Variants in AFDN observed in about 807,000 individuals in gnomAD.
AFDN encodes afadin.
A neutral mutation model predicts 216.6 loss-of-function variants in AFDN; 68 were observed. That is an observed-to-expected ratio of 0.31 (90% CI 0.26 to 0.38). The LOEUF is 0.38. AFDN is among the 10% of genes least tolerant of loss of function. The pLI is 1.00. For missense variants in AFDN, 2,136 were observed against 2,342.0 expected (o/e 0.91, Z 1.82); for synonymous variants, 868 against 853.7 (o/e 1.02, Z -0.29).
At chr6:167,929,648 C>T (rs1381650085) in intron 23 of AFDN, among the ~76,000 whole-genome samples, 1 of 152,224 alleles carries the variant, frequency 6.6e-6, no homozygotes, top group African/African-American at 2.4e-5. Context: ...CCTTGTCTCA[C>T]TCTCCCATGC....
chr6:167,827,123 G>T lies in AFDN; in HGVS notation c.-10G>T. ...CGGCCCCGCGCGGCTGAGGAGGCGC[G>T]GCCAGGACCATGTCGGCGGGCGGCC... On this transcript the variant is annotated 5_prime_UTR_variant, in exon 1 of 34. Transcript: ENST00000683244. 2 of 1,265,246 alleles carry T rather than the reference G, an allele frequency of 1.6e-6. No individual in the cohort carries two copies. The highest frequency in any genetic ancestry group is 1.0e-6 in the Non-Finnish European group (1 of 975,274). The allele number at this position is 1,265,246 out of a possible 1,614,324, so 78.4% of individuals were successfully genotyped here.
chr6:167,843,076 A>T (rs1781251023), intron 1 of AFDN, among the ~76,000 whole-genome samples: 1 of 152,210 alleles, frequency 6.6e-6, no homozygotes, highest in Admixed American at 6.5e-5. Context: ...TTCAGTAGGA[A>T]TCAAGTGCAC....
intron 10 of AFDN, among the ~76,000 whole-genome samples, chr6:167,897,718 C>T (rs1016454862): frequency 1.4e-5 from 2 of 138,060 alleles, no homozygotes; most frequent in South Asian, 4.6e-4. Flanking sequence ...ACGATCTCGG[C>T]TCTCTGTAAC....
intron 1 of AFDN, 158 bp from the exon 2 acceptor site, chr6:167,864,393 A>T: frequency 1.3e-6 from 1 of 799,018 alleles, no homozygotes; most frequent in East Asian, 2.4e-5. Context: ...CAGAAATGAA[A>T]CTTGAAGACT....
rs984922698 is a variant in AFDN at position 167,914,098 on chromosome 6, G to T, written c.2059-70G>T. On this transcript the variant is annotated intron_variant, in intron 16 of 33. Transcript: ENST00000683244. ...TGGTCTATCTTCAGCAGCTTTTCAA[G>T]AGCATTCCTTTATATTTTTATTACT... The T allele has an allele frequency of 3.9e-6, 6 of 1,549,700 alleles. No homozygotes were observed. The African/African-American group carries it at 6.8e-5, about 18-fold the overall frequency.
At chr6:167,938,920 G>A (rs1011988101) in intron 23 of AFDN, among the ~76,000 whole-genome samples, 6 of 152,334 alleles carry the variant, frequency 3.9e-5, no homozygotes, top group African/African-American at 7.2e-5. Context: ...CCAACTGTGT[G>A]TGCAGGGGCT....
intron 30 of AFDN, among the ~76,000 whole-genome samples, chr6:167,958,476 T>C (rs1796731126): frequency 6.6e-6 from 1 of 152,222 alleles, no homozygotes; most frequent in South Asian, 2.1e-4. Flanking sequence ...TCTCGAAATT[T>C]ACTTGGTTTG....
At chr6:167,853,386 A>T (rs546026327) in intron 1 of AFDN, among the ~76,000 whole-genome samples, 1 of 152,194 alleles carries the variant, frequency 6.6e-6, no homozygotes, top group South Asian at 2.1e-4. Flanking sequence ...TTATTTGCAG[A>T]TACTGACTTG....
intron 23 of AFDN, among the ~76,000 whole-genome samples, chr6:167,934,264 G>A (rs963723862): frequency 6.6e-6 from 1 of 152,164 alleles, no homozygotes; most frequent in African/African-American, 2.4e-5. Flanking sequence ...CCCAGAGCTG[G>A]AACTACAGCC....
At chr6:167,935,882 T>C in intron 23 of AFDN, among the ~76,000 whole-genome samples, 1 of 152,190 alleles carries the variant, frequency 6.6e-6, no homozygotes, top group East Asian at 1.9e-4. Context: ...TAATTGTAAA[T>C]GTGTTGCTAG....
Position 167,875,372 on chromosome 6 carries a change from A to G in AFDN, c.616A>G (p.Met206Val), listed in dbSNP as rs771549794. 1.9e-6 allele frequency: 3 copies of G among 1,613,836 alleles called. No individual in the cohort carries two copies. Among genetic ancestry groups the G allele is most frequent in the Admixed American group, 1.7e-5 (1 of 59,972 alleles). ...ACTGGCTGCTGAGGTTTACAAAGAC[A>G]TGCCGGAAACCAGCTTTACTCGAAC... The part of the protein sequence containing the change: ...SRLAAEVYKD[M>V]PETSFTRTIS... The change falls in exon 5 of 34, where the codon ATG becomes GTG. Residue 206 changes from methionine (M) to valine (V), a missense_variant. Met to Val is a conservative substitution (Grantham distance 21). Around this residue, in one of 8 missense-constraint regions of AFDN, gnomAD observed 817 missense variants for 965.7 expected, o/e 0.85. Transcript: ENST00000683244.
intron 32 of AFDN, 91 bp downstream of exon 32, chr6:167,966,136 C>G (rs1054414638): frequency 1.0e-5 from 16 of 1,535,408 alleles, no homozygotes; most frequent in Non-Finnish European, 1.4e-5. Context: ...CAGCCACGCC[C>G]GGCCTCCGAT....
intron 15 of AFDN, among the ~76,000 whole-genome samples, chr6:167,912,399 C>A (rs896021819): frequency 1.3e-5 from 2 of 152,172 alleles, no homozygotes; most frequent in Admixed American, 1.3e-4. Context: ...CTGGCAGGAT[C>A]ATTTGAGGGA....
intron 2 of AFDN, among the ~76,000 whole-genome samples, chr6:167,869,662 A>G (rs1035823444): frequency 1.3e-5 from 2 of 152,104 alleles, no homozygotes; most frequent in Non-Finnish European, 2.9e-5. Context: ...TTTTTTCCAC[A>G]GCTTCCAGCG....
chr6:167,933,810 A>G (rs1262197194), intron 23 of AFDN, among the ~76,000 whole-genome samples: 1 of 152,234 alleles, frequency 6.6e-6, no homozygotes, highest in African/African-American at 2.4e-5. Flanking sequence ...GGAACATAAA[A>G]TGTTGATCCT....
intron 31 of AFDN, chr6:167,965,033 G>C: frequency 1.9e-6 from 2 of 1,043,298 alleles, no homozygotes; most frequent in Non-Finnish European, 2.3e-6. Context: ...TGCTGTTGCT[G>C]TTAGTTCCTG....
intron 26 of AFDN, among the ~76,000 whole-genome samples, chr6:167,945,648 C>T (rs1346844803): frequency 6.6e-6 from 1 of 152,072 alleles, no homozygotes. Context: ...TTTTCAGCTC[C>T]GTTTTAATCT....
chr6:167,891,628 G>A (rs1016603449), intron 8 of AFDN, among the ~76,000 whole-genome samples: 3 of 151,996 alleles, frequency 2.0e-5, no homozygotes, highest in Admixed American at 6.6e-5. Flanking sequence ...TAAAGCTGTC[G>A]TTTCAGGTTA....
At chr6:167,927,122 G>T (rs1792650233) in intron 23 of AFDN, among the ~76,000 whole-genome samples, 1 of 152,128 alleles carries the variant, frequency 6.6e-6, no homozygotes, top group African/African-American at 2.4e-5. Flanking sequence ...ATGTGATTAA[G>T]ATCTAGTACA....
Sources: allele counts gnomAD v4.1 joint callset (sites outside exome capture counted in the v4.1 genomes callset), GRCh38; gene constraint gnomAD v4.1.1; regional missense constraint gnomAD v4.1.1; transcripts MANE v1.5; gene names NCBI Gene and HGNC (gene_info 2026-07-23, HGNC 2026-07-21).